Variants in ABAT observed in about 807,000 individuals in gnomAD.
ABAT encodes the protein 4-aminobutyrate aminotransferase, mitochondrial.
Under a neutral mutation model 64.6 loss-of-function variants are expected in ABAT, and 45 were observed. The observed-to-expected ratio is 0.70, with a 90% confidence interval of 0.55 to 0.89. ABAT has a LOEUF of 0.89. ABAT is among the 40% of genes least tolerant of loss of function. The pLI, the probability that ABAT is intolerant of heterozygous loss-of-function variation, is 0.00. For synonymous variants in ABAT, 297 were observed against 250.5 expected, an observed-to-expected ratio of 1.19 and a Z score of -1.75; for missense variants, 633 against 658.4, an observed-to-expected ratio of 0.96 and a Z score of 0.42.
At chr16:8,702,734 A>G (rs958875306) in intron 1 of ABAT, among the ~76,000 whole-genome samples, 7 of 152,040 alleles carry the variant, frequency 4.6e-5, no homozygotes, top group Non-Finnish European at 2.9e-5. Flanking sequence ...GATCCAAACC[A>G]TATCAGGGGA....
At chr16:8,706,331 T>C (rs2057942109) in intron 1 of ABAT, among the ~76,000 whole-genome samples, 1 of 142,232 alleles carries the variant, frequency 7.0e-6, no homozygotes, top group South Asian at 2.2e-4. Context: ...ACCTGAGCCC[T>C]GAAGGTAAGG....
At chr16:8,725,212 G>C (rs2058513560) in intron 1 of ABAT, among the ~76,000 whole-genome samples, 1 of 152,194 alleles carries the variant, frequency 6.6e-6, no homozygotes, top group Non-Finnish European at 1.5e-5. Context: ...CAGCGCGCCT[G>C]GCTTTTTCAT....
chr16:8,738,863 T>C (rs1281918621), intron 2 of ABAT, among the ~76,000 whole-genome samples: 1 of 152,212 alleles, frequency 6.6e-6, no homozygotes, highest in Non-Finnish European at 1.5e-5. Context: ...CAGGCTAGTC[T>C]CCAACTCCTG....
chr16:8,748,314 T>G (rs143774171), intron 4 of ABAT, among the ~76,000 whole-genome samples, 177 bp downstream of exon 4: 1 of 152,256 alleles, frequency 6.6e-6, no homozygotes, highest in South Asian at 2.1e-4. Context: ...ACTTACATGA[T>G]GTTTAATTTC....
intron 1 of ABAT, among the ~76,000 whole-genome samples, chr16:8,689,189 G>T (rs1385812296): frequency 2.6e-5 from 4 of 151,976 alleles, no homozygotes; most frequent in Non-Finnish European, 4.4e-5. Flanking sequence ...ACCTAGGGTT[G>T]ATTTTTATGT....
intron 1 of ABAT, among the ~76,000 whole-genome samples, chr16:8,681,335 T>C (rs2057327965): frequency 6.6e-6 from 1 of 152,118 alleles, no homozygotes. Flanking sequence ...TCACTATTTC[T>C]TCATCCACTT....
chr16:8,748,920 T>A (rs1345681473), intron 4 of ABAT, among the ~76,000 whole-genome samples: 1 of 152,192 alleles, frequency 6.6e-6, no homozygotes, highest in Non-Finnish European at 1.5e-5. Flanking sequence ...CTAAAGTGTC[T>A]CCTGTAAACA....
At chr16:8,777,578 ATGTG>A (rs552428913) in intron 14 of ABAT, among the ~76,000 whole-genome samples, 3 of 151,890 alleles carry the variant, frequency 2.0e-5, no homozygotes, top group Non-Finnish European at 4.4e-5. Context: ...ACGTGTGGGG[ATGTG>A]TGTGTGTGAG....
intron 2 of ABAT, among the ~76,000 whole-genome samples, chr16:8,743,984 G>C (rs1641007): frequency 1.3e-5 from 2 of 151,802 alleles, no homozygotes; most frequent in Non-Finnish European, 2.9e-5. Flanking sequence ...GATCAGCAAG[G>C]CTTGGGCTTG....
At position 8,736,788 on chromosome 16, in the gene ABAT, A is replaced by C. The variant is rs1181696641; in HGVS notation, c.70+979A>C. On this transcript the variant is annotated intron_variant, in intron 2 of 15. Coordinates refer to ENST00000268251, the MANE Select transcript of ABAT (RefSeq NM_020686.6). ...TTAGAGAAGCAAAGCCATTTGCCCAAGGTCACACAGCCACTTGCAAGCAAC... is the reference window on the plus strand; with the variant it reads ...TTAGAGAAGCAAAGCCATTTGCCCACGGTCACACAGCCACTTGCAAGCAAC... 3 of 152,274 alleles carry C rather than the reference A, an allele frequency of 2.0e-5. No homozygotes were observed. In the East Asian group the frequency reaches 5.8e-4, roughly 29 times the overall value. The allele number at this position is 152,274 out of a possible 1,614,324, so 9.4% of individuals were successfully genotyped here.
Position 8,757,842 on chromosome 16 carries a change from A to G in ABAT, c.366+36A>G, listed in dbSNP as rs751232450. The G allele has an allele frequency of 4.4e-6, 7 of 1,600,502 alleles. No individual in the cohort carries two copies. In the Admixed American group the frequency reaches 5.0e-5, roughly 11 times the overall value. The stretch of plus-strand genomic sequence containing the variant: ...GGGTTACACAGAAGAAAGACAAAAT[A>G]TGTTCATGGCCATTCACAGAATCAC... On this transcript the variant is annotated intron_variant, in intron 6 of 15. Transcript: ENST00000268251.
intron 1 of ABAT, among the ~76,000 whole-genome samples, chr16:8,721,204 T>A (rs1040722302): frequency 1.3e-5 from 2 of 152,088 alleles, no homozygotes; most frequent in Non-Finnish European, 2.9e-5. Context: ...GGATGCAAGA[T>A]TGGGGAGATG....
chr16:8,737,460 C>T (rs983488587), intron 2 of ABAT: 2 of 143,994 alleles, frequency 1.4e-5, no homozygotes, highest in African/African-American at 2.6e-5. Flanking sequence ...TGGGCAACAT[C>T]GAGGCTCTGT....
At chr16:8,775,633 C>G (rs1363749399) in intron 13 of ABAT, among the ~76,000 whole-genome samples, 3 of 152,110 alleles carry the variant, frequency 2.0e-5, no homozygotes. Context: ...TAGTTTCTAC[C>G]CTCAAGGTTG....
intron 4 of ABAT, among the ~76,000 whole-genome samples, chr16:8,749,449 T>C (rs1297091222): frequency 8.5e-6 from 1 of 117,840 alleles, no homozygotes; most frequent in East Asian, 2.9e-4. Flanking sequence ...CCCAGGCTGG[T>C]GTGCAGTGGC....
chr16:8,769,016 G>C (rs2060025708), intron 11 of ABAT, 43 bp downstream of exon 11: 2 of 1,613,166 alleles, frequency 1.2e-6, no homozygotes, highest in African/African-American at 1.3e-5. Flanking sequence ...CACCAGTCCT[G>C]TTGCTCTTGC....
At chr16:8,738,020 A>AGAAAGAAAGAAAGAAAGAAAGAAAG (rs1567295862) in intron 2 of ABAT, among the ~76,000 whole-genome samples, 6 of 126,356 alleles carry the variant, frequency 4.7e-5, no homozygotes, top group Admixed American at 1.6e-4. Context: ...AAGAAAGGAA[A>AGAAAGAAAGAAAGAAAGAAAGAAAG]GAAAGAAAGA....
intron 1 of ABAT, among the ~76,000 whole-genome samples, chr16:8,679,210 G>A (rs575996887): frequency 6.6e-6 from 1 of 152,260 alleles, no homozygotes; most frequent in East Asian, 1.9e-4. Flanking sequence ...AAATTAAAAT[G>A]AATAGAGCAC....
chr16:8,751,023 A>T (rs182673548), intron 5 of ABAT, among the ~76,000 whole-genome samples: 129 of 141,572 alleles, frequency 9.1e-4, no homozygotes, highest in African/African-American at 3.2e-3. Flanking sequence ...ATCTTGGCTC[A>T]CTGCAACCTC....
Sources: gnomAD v4.1 joint callset for allele counts (sites outside exome capture counted in the v4.1 genomes callset) on GRCh38, gnomAD v4.1.1 for gene constraint, MANE v1.5 for transcripts, NCBI Gene and HGNC (gene_info 2026-07-23, HGNC 2026-07-21) for gene names.